ASTN2: variants seen among roughly 807,000 people sequenced by gnomAD.
The protein encoded by ASTN2 is astrotactin-2.
In ASTN2, 54 loss-of-function variants were observed where a neutral mutation model predicts 139.8. That is an observed-to-expected ratio of 0.39 (90% CI 0.31 to 0.48). ASTN2 has a LOEUF of 0.48. Among genes scored for constraint, ASTN2 ranks in the 20% least tolerant of loss-of-function variants. The pLI, the probability that ASTN2 is intolerant of heterozygous loss-of-function variation, is 0.95. For synonymous variants in ASTN2, 756 were observed against 719.5 expected, an observed-to-expected ratio of 1.05 and a Z score of -0.81; for missense variants, 1,565 against 1,725.1, an observed-to-expected ratio of 0.91 and a Z score of 1.64.
intron 19 of ASTN2, among the ~76,000 whole-genome samples, chr9:116,606,699 T>A (rs78505408): frequency 1.3e-5 from 2 of 151,898 alleles, no homozygotes; most frequent in South Asian, 2.1e-4. Flanking sequence ...TTTTTTTTTT[T>A]AATTCATGGA....
intron 17 of ASTN2, among the ~76,000 whole-genome samples, chr9:116,644,114 G>A (rs1460983593): frequency 6.6e-6 from 1 of 152,122 alleles, no homozygotes; most frequent in African/African-American, 2.4e-5. Flanking sequence ...AGTGGTCATG[G>A]TTGTAGTGAT....
At chr9:117,182,675 C>T (rs1358479327) in intron 3 of ASTN2, among the ~76,000 whole-genome samples, 1 of 152,040 alleles carries the variant, frequency 6.6e-6, no homozygotes, top group Non-Finnish European at 1.5e-5. Context: ...GTGGTATATG[C>T]CATAGTGGGG....
chr9:116,938,445 T>C (rs1225381206), intron 10 of ASTN2, among the ~76,000 whole-genome samples: 1 of 152,126 alleles, frequency 6.6e-6, no homozygotes, highest in Non-Finnish European at 1.5e-5. Context: ...CGTAACTCCT[T>C]TGGTCCACAA....
chr9:116,643,166 G>A (rs80171724), intron 17 of ASTN2, among the ~76,000 whole-genome samples: 1 of 152,126 alleles, frequency 6.6e-6, no homozygotes, highest in African/African-American at 2.4e-5. Flanking sequence ...TACACATGAA[G>A]CACTTTTTTA....
chr9:116,687,440 G>T, intron 16 of ASTN2: 1 of 196,328 alleles, frequency 5.1e-6, no homozygotes, highest in Non-Finnish European at 9.1e-6. Flanking sequence ...GTGGGCCGTG[G>T]CTCAGCGGCC....
At chr9:116,753,665 C>T (rs1313376379) in intron 13 of ASTN2, among the ~76,000 whole-genome samples, 1 of 152,072 alleles carries the variant, frequency 6.6e-6, no homozygotes, top group African/African-American at 2.4e-5. Flanking sequence ...CATAAAACTG[C>T]CTTAAAAATA....
At chr9:116,822,445 C>T (rs35091457) in intron 11 of ASTN2, among the ~76,000 whole-genome samples, 33,774 of 152,108 alleles carry the variant, frequency 0.22, 4,234 homozygotes, top group Admixed American at 0.29. Context: ...GAAGCCCCTG[C>T]TTGTCTCTGA....
chr9:116,474,002 T>C (rs1848900980), intron 20 of ASTN2, among the ~76,000 whole-genome samples: 1 of 152,206 alleles, frequency 6.6e-6, no homozygotes, highest in African/African-American at 2.4e-5. Context: ...GCATGTGTAT[T>C]TGTTTCACAA....
At chr9:116,460,444 T>G (rs1175875207) in intron 20 of ASTN2, among the ~76,000 whole-genome samples, 8 of 152,194 alleles carry the variant, frequency 5.3e-5, no homozygotes, top group Non-Finnish European at 1.2e-4. Flanking sequence ...CCAAAACCAG[T>G]GGAGTCAGGA....
chr9:116,831,021 A>G (rs569517267), intron 11 of ASTN2, among the ~76,000 whole-genome samples: 13 of 152,210 alleles, frequency 8.5e-5, no homozygotes, highest in African/African-American at 3.1e-4. Context: ...CATAAAAAAG[A>G]ATGAAATCAT....
At chr9:116,470,349 T>C (rs1848775073) in intron 20 of ASTN2, among the ~76,000 whole-genome samples, 1 of 152,104 alleles carries the variant, frequency 6.6e-6, no homozygotes, top group Non-Finnish European at 1.5e-5. Flanking sequence ...CTAGGCTCCT[T>C]AAATGCTAAT....
chr9:116,703,517 A>C (rs1399985377), intron 16 of ASTN2, among the ~76,000 whole-genome samples: 2 of 143,560 alleles, frequency 1.4e-5, no homozygotes, highest in Non-Finnish European at 3.0e-5. Context: ...ATAGGTGGGA[A>C]TTGAACAATG....
chr9:116,713,025 T>C (rs1019485375), intron 16 of ASTN2, among the ~76,000 whole-genome samples: 19 of 152,126 alleles, frequency 1.2e-4, no homozygotes, highest in African/African-American at 4.1e-4. Context: ...TTTGGACACA[T>C]GGCCTTTTGA....
At chr9:116,451,062 A>G (rs1848159044) in intron 20 of ASTN2, among the ~76,000 whole-genome samples, 1 of 152,138 alleles carries the variant, frequency 6.6e-6, no homozygotes, top group African/African-American at 2.4e-5. Flanking sequence ...CAGGCAAAGA[A>G]TCAGGGGAGT....
intron 11 of ASTN2, among the ~76,000 whole-genome samples, chr9:116,852,533 C>A (rs1189269786): frequency 1.3e-5 from 2 of 152,096 alleles, no homozygotes; most frequent in Non-Finnish European, 2.9e-5. Context: ...TTGATGAAAC[C>A]TTCTCACTGT....
At chr9:116,722,759 T>C (rs1157028463) in intron 16 of ASTN2, among the ~76,000 whole-genome samples, 1 of 152,114 alleles carries the variant, frequency 6.6e-6, no homozygotes, top group African/African-American at 2.4e-5. Context: ...ATTTGGTCTA[T>C]TTTCCCCAAC....
chr9:117,370,409 C>T (rs1829959080), intron 1 of ASTN2, among the ~76,000 whole-genome samples: 2 of 152,130 alleles, frequency 1.3e-5, no homozygotes, highest in Admixed American at 1.3e-4. Context: ...TTGTTGAGTC[C>T]TCAGGGTGGT....
At chr9:116,599,061 A>G (rs1854733982) in intron 19 of ASTN2, among the ~76,000 whole-genome samples, 1 of 152,208 alleles carries the variant, frequency 6.6e-6, no homozygotes, top group Non-Finnish European at 1.5e-5. Flanking sequence ...TTCAGAGCAA[A>G]GCAGATAATA....
At chr9:117,017,002 C>T (rs1837732798) in intron 6 of ASTN2, among the ~76,000 whole-genome samples, 1 of 151,602 alleles carries the variant, frequency 6.6e-6, no homozygotes, top group African/African-American at 2.4e-5. Context: ...ATTCTGCATG[C>T]CTTTATGTAT....
Sources: gnomAD v4.1 joint callset for allele counts (sites outside exome capture counted in the v4.1 genomes callset) on GRCh38, gnomAD v4.1.1 for gene constraint, MANE v1.5 for transcripts, NCBI Gene and HGNC (gene_info 2026-07-23, HGNC 2026-07-21) for gene names.